Variants in TFEC observed in about 807,000 individuals in gnomAD.
TFEC encodes transcription factor EC.
In TFEC, 31 loss-of-function variants were observed where a neutral mutation model predicts 41.6. The observed-to-expected ratio is 0.74, with a 90% confidence interval of 0.56 to 1.01. TFEC has a LOEUF of 1.01. Among genes scored for constraint, TFEC ranks in the 50% least tolerant of loss-of-function variants. TFEC has a pLI of 0.00. For synonymous variants in TFEC, 143 were observed against 140.6 expected, an observed-to-expected ratio of 1.02 and a Z score of -0.12; for missense variants, 402 against 404.1, an observed-to-expected ratio of 0.99 and a Z score of 0.04.
intron 3 of TFEC, among the ~76,000 whole-genome samples, chr7:116,074,478 T>C (rs1036057696): frequency 6.6e-6 from 1 of 152,160 alleles, no homozygotes; most frequent in Non-Finnish European, 1.5e-5. Context: ...AAAGAAGTTA[T>C]AGAAATAGCC....
At chr7:115,956,850 TTTAGTTA>T in intron 3 of TFEC, 57 bp from the exon 4 acceptor site, 1 of 1,081,750 alleles carries the variant, frequency 9.2e-7, no homozygotes. Flanking sequence ...AATTGATATA[TTTAGTTA>T]TATATATTAC....
chr7:116,007,499 C>T (rs1794843681), intron 1 of TFEC, among the ~76,000 whole-genome samples: 1 of 152,174 alleles, frequency 6.6e-6, no homozygotes, highest in African/African-American at 2.4e-5. Flanking sequence ...TAGAAAGGTT[C>T]TTCATGCCCC....
At chr7:116,053,336 G>T (rs780125551) in intron 3 of TFEC, among the ~76,000 whole-genome samples, 2 of 152,154 alleles carry the variant, frequency 1.3e-5, no homozygotes, top group Admixed American at 6.5e-5. Context: ...CATACAGTTG[G>T]ATTTAAATGG....
intron 3 of TFEC, among the ~76,000 whole-genome samples, chr7:115,969,603 T>C (rs1793037970): frequency 6.6e-6 from 1 of 151,978 alleles, no homozygotes; most frequent in Admixed American, 6.6e-5. Flanking sequence ...AAGTGCTGAC[T>C]ATAATAAAGT....
chr7:115,984,493 A>T lies in TFEC; in HGVS notation c.-52T>A. ...CTTTCTGTAGCTGAGGCCTTGCAGA[A>T]CTTTCCAGGTGTGCTGGGACCTACA... On this transcript the variant is annotated 5_prime_UTR_variant, in exon 2 of 8. Transcript: ENST00000265440. 6.2e-7 allele frequency: 1 copy of T among 1,613,968 alleles called. No homozygotes were observed. The highest frequency in any genetic ancestry group is 2.2e-5 in the East Asian group (1 of 44,830).
At chr7:116,047,885 C>T (rs929536845) in intron 3 of TFEC, among the ~76,000 whole-genome samples, 1 of 152,250 alleles carries the variant, frequency 6.6e-6, no homozygotes, top group Middle Eastern at 3.4e-3. Flanking sequence ...CTGCAGTGGA[C>T]CTCCAGCAAA....
chr7:116,024,258 C>T (rs1795504827), intron 1 of TFEC, among the ~76,000 whole-genome samples: 1 of 152,146 alleles, frequency 6.6e-6, no homozygotes, highest in Non-Finnish European at 1.5e-5. Flanking sequence ...TTCTTCTACC[C>T]TTCTCCCTTG....
intron 1 of TFEC, among the ~76,000 whole-genome samples, chr7:116,123,037 A>G (rs142013967): frequency 3.9e-5 from 6 of 152,254 alleles, no homozygotes; most frequent in African/African-American, 1.4e-4. Flanking sequence ...CAAAAAGAAA[A>G]AAACAGAGAA....
intron 1 of TFEC, among the ~76,000 whole-genome samples, chr7:115,992,201 A>G (rs1251976239): frequency 6.6e-6 from 1 of 152,226 alleles, no homozygotes; most frequent in East Asian, 1.9e-4. Flanking sequence ...GGACACATTT[A>G]AAGCAGTGTG....
chr7:115,987,679 G>T (rs531093521), intron 1 of TFEC, among the ~76,000 whole-genome samples: 6 of 152,098 alleles, frequency 3.9e-5, no homozygotes, highest in Non-Finnish European at 8.8e-5. Context: ...CTTGCTGGCT[G>T]CTCAACTGCT....
At chr7:116,056,014 G>A (rs546683500) in intron 3 of TFEC, among the ~76,000 whole-genome samples, 10 of 151,884 alleles carry the variant, frequency 6.6e-5, no homozygotes, top group South Asian at 4.2e-4. Context: ...TTTAAAAATC[G>A]TTAAGAATGC....
intron 1 of TFEC, among the ~76,000 whole-genome samples, chr7:116,023,210 T>G (rs1202482992): frequency 1.3e-5 from 2 of 152,186 alleles, no homozygotes; most frequent in African/African-American, 4.8e-5. Flanking sequence ...TACTTATCTA[T>G]CACATCCAGA....
At position 115,953,829 on chromosome 7, in the gene TFEC, A is replaced by G. The variant is rs1428512269; in HGVS notation, c.439+757T>C. On this transcript the variant is annotated intron_variant, in intron 5 of 7. Transcript: ENST00000265440. ...GGTTTCACAAGTACGTGTATACTCA[A>G]TTTCAGCTAGCGATACATAAGGAAA... Among the ~76,000 whole-genome samples the G allele has an allele frequency of 2.6e-5, 4 of 152,152 alleles. No individual in the cohort carries two copies. The East Asian group carries it at 5.8e-4, about 22-fold the overall frequency.
chr7:115,945,135 A>T (rs1791461771), intron 6 of TFEC, among the ~76,000 whole-genome samples: 1 of 102,606 alleles, frequency 9.7e-6, no homozygotes, highest in African/African-American at 3.0e-5. Flanking sequence ...AAAATCTTGT[A>T]TGGTCTTTTT....
rs558617722 is a variant in TFEC at position 115,940,280 on chromosome 7, T to C, written c.*271A>G. The C allele has an allele frequency of 6.9e-4, 221 of 318,928 alleles. 1 individual carries two copies. The highest frequency in any genetic ancestry group is 1.0e-3 in the Non-Finnish European group (175 of 172,168). 19.8% of individuals were successfully genotyped at this position (318,928 alleles called of 1,614,324 possible). On this transcript the variant is annotated 3_prime_UTR_variant, in exon 8 of 8. Coordinates refer to ENST00000265440, the MANE Select transcript of TFEC (RefSeq NM_012252.4). ...TAAAACATCAATAAAGAGCTATTTC[T>C]TATGCTGTACCTCTTTTCAGGAAAA...
chr7:116,002,738 G>T (rs1794645537), intron 1 of TFEC, among the ~76,000 whole-genome samples: 1 of 151,964 alleles, frequency 6.6e-6, no homozygotes. Flanking sequence ...ACCCTCATGT[G>T]ATTATTATTC....
At chr7:116,039,725 T>A (rs952037499) in intron 3 of TFEC, among the ~76,000 whole-genome samples, 54 of 152,078 alleles carry the variant, frequency 3.6e-4, no homozygotes, top group Admixed American at 1.7e-3. Flanking sequence ...AAAATATTTT[T>A]ACATTTCCTA....
intron 1 of TFEC, among the ~76,000 whole-genome samples, chr7:116,137,710 A>G (rs1401071962): frequency 1.3e-5 from 2 of 152,148 alleles, no homozygotes; most frequent in Admixed American, 1.3e-4. Context: ...AAATTCTACT[A>G]GAAGGGTTCA....
At chr7:116,132,837 G>T (rs1798359755) in intron 1 of TFEC, among the ~76,000 whole-genome samples, 1 of 152,148 alleles carries the variant, frequency 6.6e-6, no homozygotes, top group African/African-American at 2.4e-5. Flanking sequence ...TCCTGAAATG[G>T]CAAAGCATCA....
Sources: gnomAD v4.1 joint callset for allele counts (sites outside exome capture counted in the v4.1 genomes callset) on GRCh38, gnomAD v4.1.1 for gene constraint, MANE v1.5 for transcripts, NCBI Gene and HGNC (gene_info 2026-07-23, HGNC 2026-07-21) for gene names.